Variants in CALR observed in about 807,000 individuals in gnomAD.
CALR encodes the protein calreticulin.
A neutral mutation model predicts 51.1 loss-of-function variants in CALR; 15 were observed. The ratio of observed to expected loss-of-function variants is 0.29; its 90% CI spans 0.20 to 0.45. The LOEUF (loss-of-function observed/expected upper bound fraction) is 0.45. Among genes scored for constraint, CALR ranks in the 20% least tolerant of loss-of-function variants. The pLI is 1.00. For missense variants in CALR, 477 were observed against 530.6 expected, an observed-to-expected ratio of 0.90 and a Z score of 0.99; for synonymous variants, 239 against 205.9, an observed-to-expected ratio of 1.16 and a Z score of -1.38.
Position 12,944,344 on chromosome 19 carries a change from C to T in CALR, c.*431C>T, listed in dbSNP as rs1175513145. The T allele has an allele frequency of 7.1e-6, 2 of 280,006 alleles. No homozygotes were observed. The highest frequency in any genetic ancestry group is 1.4e-5 in the Non-Finnish European group (2 of 144,234). The allele number at this position is 280,006 out of a possible 1,614,324, so 17.3% of individuals were successfully genotyped here. A position where few individuals can be genotyped will look rare whatever the true frequency, so the allele number is the denominator to read the frequency against. Reference sequence around the variant, plus strand: ...CCAACCCCCCAGCACTGAGGAAGAACGGGGCTCTTCTCATTTCACCCCTCC... The same window carrying T: ...CCAACCCCCCAGCACTGAGGAAGAATGGGGCTCTTCTCATTTCACCCCTCC... On this transcript the variant is annotated 3_prime_UTR_variant, in exon 9 of 9. Transcript: ENST00000316448.
intron 8 of CALR, 37 bp from the exon 9 acceptor site, chr19:12,943,676 A>G: frequency 6.2e-7 from 1 of 1,614,050 alleles, no homozygotes; most frequent in Non-Finnish European, 8.5e-7. Context: ...CAGGGCTGGC[A>G]GGGGGCAAGG....
rs1568449695 is a variant in CALR, at chr19:12,943,773, GA to G, written c.1116del (p.Asp373ThrfsTer57). 6.2e-7 allele frequency: 1 copy of G among 1,604,690 alleles called. No homozygotes were observed. On this transcript the variant is annotated frameshift_variant, in exon 9 of 9. Coordinates refer to ENST00000316448, the MANE Select transcript of CALR (RefSeq NM_004343.4). LOFTEE classifies it high-confidence loss of function. The part of the protein sequence containing the change: ...DEEQRLKEEE[E>X]DKKRKEEEEA... ...GGAGCAGAGGCTTAAGGAGGAGGAA[GA>G]AGACAAGAAACGCAAAGAGGAGGAG...
intron 7 of CALR, chr19:12,943,170 C>T (rs372590285): frequency 6.6e-5 from 19 of 289,136 alleles, no homozygotes; most frequent in South Asian, 3.0e-4. Flanking sequence ...CTGCAAGCTC[C>T]GCCTCCTGGG....
intron 7 of CALR, among the ~76,000 whole-genome samples, chr19:12,942,690 G>T (rs1187292935): frequency 6.6e-6 from 1 of 150,492 alleles, no homozygotes; most frequent in African/African-American, 2.4e-5. Flanking sequence ...TGCCTTCCAG[G>T]TTCAAGTGAT....
chr19:12,939,603 C>T lies in CALR; in HGVS notation c.369C>T (p.His123=). 10 of 1,614,018 alleles carry T rather than the reference C, an allele frequency of 6.2e-6. No homozygotes were observed. The highest frequency in any genetic ancestry group is 1.3e-5 in the African/African-American group (1 of 75,012). ...FPNSLDQTDM[H]GDSEYNIMFG... ...ATAGTTTGGACCAGACAGACATGCA[C>T]GGAGACTCAGAATACAACATCATGT... The change falls in exon 3 of 9, where the codon CAC becomes CAT. Residue 123 remains histidine (H), a synonymous_variant. Coordinates refer to ENST00000316448, the MANE Select transcript of CALR (RefSeq NM_004343.4).
chr19:12,938,609 G>A lies in CALR; in HGVS notation c.-71G>A. The stretch of plus-strand genomic sequence containing the variant: ...AAGTGCAAGGCGGGCGGCGGCGTCC[G>A]TCCGTACTGCAGAGCCGCTGCCGGA... On this transcript the variant is annotated 5_prime_UTR_variant, in exon 1 of 9. Coordinates refer to ENST00000316448, the MANE Select transcript of CALR (RefSeq NM_004343.4). 2.5e-6 allele frequency: 3 copies of A among 1,214,444 alleles called. No homozygotes were observed. The highest frequency in any genetic ancestry group is 2.6e-5 in the South Asian group (2 of 77,778). 75.2% of individuals were successfully genotyped at this position (1,214,444 alleles called of 1,614,324 possible).
intron 3 of CALR, 76 bp from the exon 4 acceptor site, chr19:12,939,977 C>T (rs1420902146): frequency 1.6e-5 from 17 of 1,064,510 alleles, no homozygotes; most frequent in Non-Finnish European, 2.0e-5. Flanking sequence ...ACCAGGTCTT[C>T]CTTTTATAAA....
At position 12,943,879 on chromosome 19, in the gene CALR, A is replaced by G; in HGVS notation, c.1220A>G (p.Glu407Gly). The part of the protein sequence containing the change: ...DEEDKEEDEE[E>G]DVPGQAKDEL ...GAGGACAAGGAGGAAGATGAGGAGG[A>G]AGATGTCCCCGGCCAGGCCAAGGAC... Residue 407 changes from glutamate to glycine, a missense_variant, in exon 9 of 9, where the codon GAA (glutamate) becomes GGA (glycine). By Grantham distance (98) the Glu-to-Gly change is moderately conservative. Transcript: ENST00000316448. 2 of 1,591,716 alleles carry G rather than the reference A, an allele frequency of 1.3e-6. No homozygotes were observed. The highest frequency in any genetic ancestry group is 2.3e-5 in the East Asian group (1 of 44,128).
At position 12,943,618 on chromosome 19, in the gene CALR, G is replaced by A. The variant is rs780575601; in HGVS notation, c.1042G>A (p.Gly348Ser). The change falls in exon 8 of 9, where the codon GGC (glycine) becomes AGC (serine). Residue 348 changes from glycine to serine, a missense_variant. By Grantham distance (56) the Gly-to-Ser change is moderately conservative (BLOSUM62 0). Coordinates refer to ENST00000316448, the MANE Select transcript of CALR (RefSeq NM_004343.4). ...YAEEFGNETW[G>S]VTKAAEKQMK... ...TGAGGAGTTTGGCAACGAGACGTGG[G>A]GCGTAACAAAGGTGAGGCCTGGTCC... 1.2e-6 allele frequency: 2 copies of A among 1,614,186 alleles called. No individual in the cohort carries two copies. Among genetic ancestry groups the A allele is most frequent in the Admixed American group, 1.7e-5 (1 of 60,016 alleles).
In CALR at chr19:12,940,233, C is replaced by T. The variant is rs1012859874; in HGVS notation, c.493-10C>T. 9 of 1,614,010 alleles carry T rather than the reference C, an allele frequency of 5.6e-6. No individual in the cohort carries two copies. Among genetic ancestry groups the T allele is most frequent in the East Asian group, 2.2e-5 (1 of 44,906 alleles). On this transcript the variant is annotated splice_polypyrimidine_tract_variant and intron_variant, in intron 4 of 8. Coordinates refer to ENST00000316448, the MANE Select transcript of CALR (RefSeq NM_004343.4). The stretch of plus-strand genomic sequence containing the variant: ...GGGGGTGGCCCCCGCTCACCTTCTT[C>T]CTTCTTCAGGATGATGAGTTTACAC...
Position 12,940,816 on chromosome 19 carries a change from C to A in CALR, c.889C>A (p.Pro297Thr), listed in dbSNP as rs1158895651. ...TTGGATCCACCCAGAAATTGACAACCCCGAGTATTCTCCCGATCCCAGTAT... is the reference window on the plus strand; with the variant it reads ...TTGGATCCACCCAGAAATTGACAACACCGAGTATTCTCCCGATCCCAGTAT... ...GTWIHPEIDN[P>T]EYSPDPSIYA... The change falls in exon 7 of 9, where the codon CCC becomes ACC. Residue 297 changes from proline (P) to threonine (T), a missense_variant. Transcript: ENST00000316448. 1 of 1,614,098 alleles carries A rather than the reference C, an allele frequency of 6.2e-7. No individual in the cohort carries two copies. The highest frequency in any genetic ancestry group is 2.2e-5 in the East Asian group (1 of 44,870).
At position 12,943,860 on chromosome 19, in the gene CALR, A is replaced by AAGGAGGAAGATG; in HGVS notation, c.1214_1225dup (p.Glu405_Asp408dup). The AAGGAGGAAGATG allele has an allele frequency of 6.3e-7, 1 of 1,584,146 alleles. No individual in the cohort carries two copies. The highest frequency in any genetic ancestry group is 8.6e-7 in the Non-Finnish European group (1 of 1,165,214). On this transcript the variant is annotated inframe_insertion, in exon 9 of 9. Coordinates refer to ENST00000316448, the MANE Select transcript of CALR (RefSeq NM_004343.4). ...TGAGGATGAGGAGGATGAGGAGGAC[A>AAGGAGGAAGATG]AGGAGGAAGATGAGGAGGAAGATGT...
Position 12,943,861 on chromosome 19 carries a change from A to T in CALR, c.1202A>T (p.Lys401Met). The T allele has an allele frequency of 6.3e-7, 1 of 1,584,610 alleles. No individual in the cohort carries two copies. Among genetic ancestry groups the T allele is most frequent in the Non-Finnish European group, 8.6e-7 (1 of 1,165,476 alleles). ...KDEDEEDEED[K>M]EEDEEEDVPG... ...GAGGATGAGGAGGATGAGGAGGACA[A>T]GGAGGAAGATGAGGAGGAAGATGTC... is the stretch of plus-strand genomic sequence containing the variant. Residue 401 changes from lysine to methionine, a missense_variant, in exon 9 of 9, where the codon AAG (lysine) becomes ATG (methionine). Coordinates refer to ENST00000316448, the MANE Select transcript of CALR (RefSeq NM_004343.4).
At chr19:12,943,015 C>T (rs1971569246) in intron 7 of CALR, among the ~76,000 whole-genome samples, 1 of 151,314 alleles carries the variant, frequency 6.6e-6, no homozygotes, top group Admixed American at 6.6e-5. Flanking sequence ...CATGACCTCC[C>T]AAAGTGCTGG....
intron 7 of CALR, among the ~76,000 whole-genome samples, chr19:12,942,044 CAG>C (rs1971555238): frequency 6.6e-6 from 1 of 151,540 alleles, no homozygotes. Context: ...GCCTCGGTGA[CAG>C]AGTGAGACCC....
rs1971591594 is a variant in CALR, at chr19:12,944,059, TC to T, written c.*148del. 3.9e-6 allele frequency: 5 copies of T among 1,271,502 alleles called. No individual in the cohort carries two copies. In the African/African-American group the frequency reaches 4.5e-5, roughly 11 times the overall value. 78.8% of individuals were successfully genotyped at this position (1,271,502 alleles called of 1,614,324 possible). ...GGGGTGGATTTTGGTTTTGTTCCCCTCCTCCACTCTCCCCCACCCCCTCCCC... is the reference window on the plus strand; with the variant it reads ...GGGGTGGATTTTGGTTTTGTTCCCCTCTCCACTCTCCCCCACCCCCTCCCC... On this transcript the variant is annotated 3_prime_UTR_variant, in exon 9 of 9. Transcript: ENST00000316448.
In CALR at chr19:12,939,276, C is replaced by G. The variant is rs7246836; in HGVS notation, c.193+41C>G. 14,893 of 1,488,674 alleles carry G rather than the reference C, an allele frequency of 0.01. 1,311 individuals carry two copies. In the African/African-American group the frequency reaches 0.18, roughly 18 times the overall value. 92.2% of individuals were successfully genotyped at this position (1,488,674 alleles called of 1,614,324 possible). ...TGGGTGCTCAGATCCGGGAGGACTT[C>G]CTGGCAGAAGTCCTTGTCTGTACAC... On this transcript the variant is annotated intron_variant, in intron 2 of 8. Transcript: ENST00000316448.
chr19:12,943,349 G>A (rs1971574538), intron 7 of CALR, 188 bp from the exon 8 acceptor site: 2 of 643,330 alleles, frequency 3.1e-6, no homozygotes, highest in Non-Finnish European at 5.6e-6. Context: ...CTCTGGGCGA[G>A]GATTACAGGC....
In CALR at chr19:12,943,736, C is replaced by G; in HGVS notation, c.1077C>G (p.Asp359Glu). ...AGGCAGCAGAGAAACAAATGAAGGA[C>G]AAACAGGACGAGGAGCAGAGGCTTA... is the stretch of plus-strand genomic sequence containing the variant. Reference protein sequence around the residue: ...VTKAAEKQMKDKQDEEQRLKE... With the variant: ...VTKAAEKQMKEKQDEEQRLKE... Residue 359 changes from aspartate (D) to glutamate (E), a missense_variant, in exon 9 of 9, where the codon GAC becomes GAG. Coordinates refer to ENST00000316448, the MANE Select transcript of CALR (RefSeq NM_004343.4). 1.2e-6 allele frequency: 2 copies of G among 1,613,504 alleles called. No homozygotes were observed. The highest frequency in any genetic ancestry group is 8.5e-7 in the Non-Finnish European group (1 of 1,179,774).
Sources: gnomAD v4.1 joint callset for allele counts (sites outside exome capture counted in the v4.1 genomes callset) on GRCh38, gnomAD v4.1.1 for gene constraint, MANE v1.5 for transcripts, NCBI Gene and HGNC (gene_info 2026-07-23, HGNC 2026-07-21) for gene names.